Variants in SLC25A13 observed in about 807,000 individuals in gnomAD.
The protein encoded by SLC25A13 is solute carrier family 25 member 13.
SLC25A13 carries 70 observed loss-of-function variants against 85.5 expected under a neutral mutation model. The observed-to-expected ratio is 0.82, with a 90% CI of 0.68 to 1.00. SLC25A13 has a LOEUF of 1.00. Ranked by LOEUF, SLC25A13 falls within the 50% of genes least tolerant of loss-of-function variation. The pLI, the probability that SLC25A13 is intolerant of heterozygous loss-of-function variation, is 0.00. For synonymous variants in SLC25A13, 259 were observed against 288.7 expected (o/e 0.90, Z 1.04); for missense variants, 765 against 819.8 (o/e 0.93, Z 0.82).
At chr7:96,245,167 A>T (rs145018157) in intron 3 of SLC25A13, among the ~76,000 whole-genome samples, 2,233 of 152,308 alleles carry the variant, frequency 0.015, 51 homozygotes, top group African/African-American at 0.051. Context: ...GATCAAGCAC[A>T]TTTGACAGGT....
intron 1 of SLC25A13, among the ~76,000 whole-genome samples, chr7:96,316,839 A>G (rs1289347255): frequency 3.9e-5 from 6 of 152,178 alleles, no homozygotes; most frequent in Non-Finnish European, 8.8e-5. Context: ...CACCTCTCCC[A>G]TATACTTTAT....
chr7:96,319,540 C>CAAAAAA (rs398005497), intron 1 of SLC25A13, among the ~76,000 whole-genome samples: 1 of 77,254 alleles, frequency 1.3e-5, no homozygotes, highest in Admixed American at 1.6e-4. Flanking sequence ...GACTCCATCT[C>CAAAAAA]AAAAAAAAAA....
intron 2 of SLC25A13, among the ~76,000 whole-genome samples, chr7:96,288,787 G>A (rs910732184): frequency 6.6e-6 from 1 of 152,142 alleles, no homozygotes; most frequent in Non-Finnish European, 1.5e-5. Flanking sequence ...GAACTGGGTG[G>A]AGCCCACCAC....
At chr7:96,187,751 C>A (rs1226764788) in intron 9 of SLC25A13, among the ~76,000 whole-genome samples, 1 of 152,220 alleles carries the variant, frequency 6.6e-6, no homozygotes, top group African/African-American at 2.4e-5. Flanking sequence ...TGCTCCTTCA[C>A]TCCTCTGTCC....
chr7:96,178,391 C>G (rs932142198), intron 11 of SLC25A13, among the ~76,000 whole-genome samples: 1 of 152,110 alleles, frequency 6.6e-6, no homozygotes, highest in Non-Finnish European at 1.5e-5. Context: ...AGACAGGGGC[C>G]AGCCCAAACC....
intron 1 of SLC25A13, among the ~76,000 whole-genome samples, chr7:96,313,921 A>G (rs1263352415): frequency 2.0e-5 from 3 of 152,216 alleles, no homozygotes; most frequent in African/African-American, 7.2e-5. Context: ...TGACCTGTAC[A>G]GGGAAGGGAA....
chr7:96,269,096 G>A (rs1159394671), intron 3 of SLC25A13, among the ~76,000 whole-genome samples: 3 of 152,156 alleles, frequency 2.0e-5, no homozygotes, highest in Non-Finnish European at 4.4e-5. Flanking sequence ...AGCTCCAAGA[G>A]GGCAACAAGC....
intron 14 of SLC25A13, among the ~76,000 whole-genome samples, chr7:96,142,765 T>A (rs763270905): frequency 3.9e-5 from 6 of 152,174 alleles, no homozygotes; most frequent in Non-Finnish European, 8.8e-5. Context: ...ATAAATTATA[T>A]TTTACTTTTT....
chr7:96,175,268 G>A (rs2116598131), intron 11 of SLC25A13, among the ~76,000 whole-genome samples: 1 of 152,370 alleles, frequency 6.6e-6, no homozygotes. Context: ...AGAGGAAACA[G>A]TTGGTGTGCA....
chr7:96,286,314 T>C (rs558118080), intron 2 of SLC25A13, among the ~76,000 whole-genome samples: 2 of 149,934 alleles, frequency 1.3e-5, no homozygotes, highest in Admixed American at 1.3e-4. Context: ...ATCTGTCGTA[T>C]GCCTTAGCCC....
intron 3 of SLC25A13, among the ~76,000 whole-genome samples, chr7:96,266,935 G>T (rs1798060622): frequency 1.3e-5 from 2 of 152,166 alleles, no homozygotes; most frequent in South Asian, 2.1e-4. Flanking sequence ...AGCTTCTCAG[G>T]TGACTGCTAT....
intron 13 of SLC25A13, among the ~76,000 whole-genome samples, chr7:96,159,773 T>C (rs1039135640): frequency 6.6e-6 from 1 of 152,194 alleles, no homozygotes; most frequent in African/African-American, 2.4e-5. Flanking sequence ...ATTGAAAAGA[T>C]AATAAAATAA....
At chr7:96,130,815 T>C (rs1298629768) in intron 15 of SLC25A13, among the ~76,000 whole-genome samples, 6 of 152,190 alleles carry the variant, frequency 3.9e-5, no homozygotes, top group Non-Finnish European at 8.8e-5. Flanking sequence ...CCAATATCAC[T>C]GCCTTTGAAG....
intron 3 of SLC25A13, among the ~76,000 whole-genome samples, chr7:96,248,568 T>C (rs1481883450): frequency 1.3e-5 from 2 of 152,214 alleles, no homozygotes; most frequent in African/African-American, 4.8e-5. Flanking sequence ...TGGTGCAACT[T>C]GGACTTAGGT....
At chr7:96,240,517 A>T (rs1247159626) in intron 3 of SLC25A13, among the ~76,000 whole-genome samples, 1 of 152,166 alleles carries the variant, frequency 6.6e-6, no homozygotes, top group Non-Finnish European at 1.5e-5. Flanking sequence ...CCAGGTACCA[A>T]GGAAGGAAGA....
chr7:96,137,337 A>G (rs1350010148), intron 14 of SLC25A13, among the ~76,000 whole-genome samples: 1 of 152,228 alleles, frequency 6.6e-6, no homozygotes, highest in African/African-American at 2.4e-5. Context: ...ATGAATGACT[A>G]TTACTTGGCT....
At chr7:96,288,415 A>T (rs1376088908) in intron 2 of SLC25A13, among the ~76,000 whole-genome samples, 1 of 152,216 alleles carries the variant, frequency 6.6e-6, no homozygotes, top group Non-Finnish European at 1.5e-5. Flanking sequence ...CTCATTGGAC[A>T]GTGGGGGCAG....
At chr7:96,189,878 T>C (rs1391833756) in intron 7 of SLC25A13, among the ~76,000 whole-genome samples, 1 of 152,194 alleles carries the variant, frequency 6.6e-6, no homozygotes, top group Non-Finnish European at 1.5e-5. Flanking sequence ...TGTTCTTGAA[T>C]ATACAGTTTA....
At chr7:96,172,543 C>A (rs944390976) in intron 11 of SLC25A13, among the ~76,000 whole-genome samples, 2 of 150,894 alleles carry the variant, frequency 1.3e-5, no homozygotes, top group African/African-American at 2.4e-5. Context: ...GGCAATGGAG[C>A]GAGACTCTGC....
Sources: allele counts gnomAD v4.1 joint callset (sites outside exome capture counted in the v4.1 genomes callset), GRCh38; gene constraint gnomAD v4.1.1; transcripts MANE v1.5; gene names NCBI Gene and HGNC (gene_info 2026-07-23, HGNC 2026-07-21).